ITGA5: variants seen among roughly 807,000 people sequenced by gnomAD.
ITGA5 encodes the protein integrin subunit alpha 5.
In ITGA5, 55 loss-of-function variants were observed where a neutral mutation model predicts 146.3. The observed-to-expected ratio is 0.38, with a 90% confidence interval of 0.30 to 0.47. The LOEUF (loss-of-function observed/expected upper bound fraction) is 0.47, where lower values mean the gene tolerates loss of function less well. Among genes scored for constraint, ITGA5 ranks in the 20% least tolerant of loss-of-function variants. The pLI, the probability that ITGA5 is intolerant of heterozygous loss-of-function variation, is 0.99. For missense variants in ITGA5, 1,131 were observed against 1,329.0 expected (o/e 0.85, Z 2.32); for synonymous variants, 500 against 531.8 (o/e 0.94, Z 0.82).
At position 54,414,803 on chromosome 12, in the gene ITGA5, C is replaced by T. The variant is rs368145412; in HGVS notation, c.219-2839G>A. On this transcript the variant is annotated intron_variant, in intron 1 of 29. Transcript: ENST00000293379. ...CGGAGCTTGCAGGGAGCCGAGATCACGCCACTACACTCCAGTCCAGAGACA... is the reference window on the plus strand; with the variant it reads ...CGGAGCTTGCAGGGAGCCGAGATCATGCCACTACACTCCAGTCCAGAGACA... Among the ~76,000 whole-genome samples, 256 of 150,324 alleles carry T rather than the reference C, an allele frequency of 1.7e-3. 10 individuals carry two copies. The highest frequency in any genetic ancestry group is 5.9e-3 in the African/African-American group (237 of 40,430).
At chr12:54,410,314 G>T (rs1333364768) in intron 2 of ITGA5, among the ~76,000 whole-genome samples, 1 of 150,242 alleles carries the variant, frequency 6.7e-6, no homozygotes, top group Admixed American at 6.7e-5. Flanking sequence ...TCTATACTTG[G>T]ACTGTGTCTC....
Position 54,401,447 on chromosome 12 carries a change from C to T in ITGA5, c.2419G>A (p.Val807Ile). ...VSKPEAVLFP[V>I]SDWHPRDQPQ... Reference sequence around the variant, plus strand: ...TGGTCTCGGGGATGCCAGTCGCTTACTGGGAATAGCACTGCCTCAGGCTTG... The same window carrying T: ...TGGTCTCGGGGATGCCAGTCGCTTATTGGGAATAGCACTGCCTCAGGCTTG... The change falls in exon 24 of 30, where the codon GTA becomes ATA. Residue 807 changes from valine (V) to isoleucine (I), a missense_variant. Val to Ile is a conservative substitution (Grantham distance 29). Transcript: ENST00000293379. The surrounding 1 kb of genome is among the most constrained non-coding windows in gnomAD (Gnocchi z 5.0). The T allele has an allele frequency of 6.2e-7, 1 of 1,614,120 alleles. No individual in the cohort carries two copies. The highest frequency in any genetic ancestry group is 1.1e-5 in the South Asian group (1 of 91,066).
rs755930097 is a variant in ITGA5, at chr12:54,404,453, A to G, written c.1440T>C (p.Gly480=). 4.3e-6 allele frequency: 7 copies of G among 1,614,128 alleles called. No homozygotes were observed. Among genetic ancestry groups the G allele is most frequent in the Non-Finnish European group, 5.1e-6 (6 of 1,180,004 alleles). ...GYPDLIVGSF[G]VDKAVVYRGR... is the part of the protein sequence containing the mutation. Reference sequence around the variant, plus strand: ...ACCTGTATACCACAGCCTTGTCCACACCAAAGGACCCCACAATCAGATCTG... The same window carrying G: ...ACCTGTATACCACAGCCTTGTCCACGCCAAAGGACCCCACAATCAGATCTG... Residue 480 remains glycine (G), a synonymous_variant, in exon 14 of 30, where the codon GGT becomes GGC. Coordinates refer to ENST00000293379, the MANE Select transcript of ITGA5 (RefSeq NM_002205.5).
Position 54,402,965 on chromosome 12 carries a change from A to T in ITGA5, c.1982+18T>A. 1 of 1,611,438 alleles carries T rather than the reference A, an allele frequency of 6.2e-7. No homozygotes were observed. The highest frequency in any genetic ancestry group is 1.1e-5 in the South Asian group (1 of 91,022). On this transcript the variant is annotated intron_variant, in intron 19 of 29. Transcript: ENST00000293379. ...AGGTGCACCTGGAGCTCCCTAGCTT[A>T]CCGTCAGCCCTACTTACCCAAACAC...
chr12:54,400,893 C>T lies in ITGA5; in HGVS notation c.2596G>A (p.Gly866Arg). ...QQLLYVTRVT[G>R]LNCTTNHPIN... is the part of the protein sequence containing the mutation. ...GGGTGATTGGTGGTGCAGTTGAGTC[C>T]CGTAACTCTGGTCACATATAGGAGC... The change falls in exon 25 of 30, where the codon GGA (glycine) becomes AGA (arginine). Residue 866 changes from glycine to arginine, a missense_variant. By Grantham distance (125) the Gly-to-Arg change is moderately radical. Transcript: ENST00000293379. The T allele has an allele frequency of 6.2e-7, 1 of 1,614,094 alleles. No homozygotes were observed. Among genetic ancestry groups the T allele is most frequent in the Non-Finnish European group, 8.5e-7 (1 of 1,180,006 alleles).
At chr12:54,406,045 CCT>C in intron 9 of ITGA5, 119 bp from the exon 10 acceptor site, 1 of 842,000 alleles carries the variant, frequency 1.2e-6, no homozygotes, top group African/African-American at 1.7e-5. Context: ...GACCACTGTC[CCT>C]AGCTCCCTCT....
At chr12:54,397,902 ATT>A (rs774468803) in intron 28 of ITGA5, among the ~76,000 whole-genome samples, 12 of 139,156 alleles carry the variant, frequency 8.6e-5, no homozygotes, top group Admixed American at 2.1e-4. Context: ...TATCATATCC[ATT>A]TTTTTTTTTT....
chr12:54,418,896 C>A, intron 1 of ITGA5, 85 bp downstream of exon 1: 1 of 1,475,726 alleles, frequency 6.8e-7, no homozygotes. Context: ...AAACTTAAGC[C>A]CTGGTCCCCT....
chr12:54,405,977 A>G (rs1955861922), intron 9 of ITGA5, 51 bp from the exon 10 acceptor site: 1 of 1,523,732 alleles, frequency 6.6e-7, no homozygotes, highest in Non-Finnish European at 9.1e-7. Flanking sequence ...AGAATATCCC[A>G]TGGTTAAAGA....
At chr12:54,405,800 CATT>C in intron 10 of ITGA5, 67 bp downstream of exon 10, 6 of 1,601,826 alleles carry the variant, frequency 3.7e-6, no homozygotes, top group Non-Finnish European at 5.1e-6. Flanking sequence ...GTTGGGCTGA[CATT>C]ATTAGGTCAG....
intron 13 of ITGA5, 88 bp from the exon 14 acceptor site, chr12:54,404,563 A>G (rs1955835469): frequency 3.9e-6 from 6 of 1,530,972 alleles, no homozygotes; most frequent in Non-Finnish European, 5.4e-6. Flanking sequence ...ACGCTCAGGG[A>G]GGTTGAAGTG....
intron 9 of ITGA5, among the ~76,000 whole-genome samples, chr12:54,406,765 A>T (rs979329919): frequency 1.3e-5 from 2 of 152,192 alleles, no homozygotes; most frequent in African/African-American, 4.8e-5. Flanking sequence ...GAACCTTCAT[A>T]GAACCTTCTC....
intron 2 of ITGA5, among the ~76,000 whole-genome samples, chr12:54,411,497 T>C (rs1187294640): frequency 6.6e-6 from 1 of 152,180 alleles, no homozygotes; most frequent in Non-Finnish European, 1.5e-5. Context: ...CACTGTCACT[T>C]AGTCAGTACT....
intron 19 of ITGA5, 88 bp downstream of exon 19, chr12:54,402,895 A>G: frequency 9.4e-7 from 1 of 1,060,640 alleles, no homozygotes; most frequent in Non-Finnish European, 1.5e-6. Context: ...GCAACTTCCC[A>G]AGGCGACACA....
At chr12:54,404,623 T>A in intron 13 of ITGA5, 80 bp downstream of exon 13, 1 of 1,496,550 alleles carries the variant, frequency 6.7e-7, no homozygotes, top group South Asian at 1.1e-5. Flanking sequence ...CCCAGGAACT[T>A]AAGGAAAGGT....
chr12:54,413,080 T>G (rs1955967222), intron 1 of ITGA5: 1 of 152,314 alleles, frequency 6.6e-6, no homozygotes. Context: ...CCATCTCTAT[T>G]GGTTTCTGTT....
At chr12:54,415,520 C>T (rs918138615) in intron 1 of ITGA5, among the ~76,000 whole-genome samples, 4 of 152,166 alleles carry the variant, frequency 2.6e-5, no homozygotes, top group African/African-American at 9.7e-5. Flanking sequence ...GGGCTTAGGT[C>T]ACTCATAATC....
Position 54,399,961 on chromosome 12 carries a change from TG to T in ITGA5, c.2644-15del. 6.2e-7 allele frequency: 1 copy of T among 1,603,250 alleles called. No individual in the cohort carries two copies. The highest frequency in any genetic ancestry group is 1.1e-5 in the South Asian group (1 of 90,862). On this transcript the variant is annotated splice_polypyrimidine_tract_variant and intron_variant, in intron 25 of 29. Coordinates refer to ENST00000293379, the MANE Select transcript of ITGA5 (RefSeq NM_002205.5). ...CTCGGGATCCAACTATAAAAGAAAG[TG>T]TTGGGCCCCTTTCCCATCTCATTAC...
chr12:54,401,973 G>C lies in ITGA5; in HGVS notation c.2226+28C>G, dbSNP rs1226488142. ...CCGCCCTCAGGTCTGCTCTCCCTCT[G>C]TCCCATCCTCTTTCATCCCAAACTT... On this transcript the variant is annotated intron_variant, in intron 21 of 29. Coordinates refer to ENST00000293379, the MANE Select transcript of ITGA5 (RefSeq NM_002205.5). This position sits in a 1 kb window ranked among gnomAD's most constrained non-coding sequence, Gnocchi z 5.0. The C allele has an allele frequency of 1.2e-6, 2 of 1,610,614 alleles. No homozygotes were observed. Among genetic ancestry groups the C allele is most frequent in the African/African-American group, 2.7e-5 (2 of 74,830 alleles).
Sources: allele counts gnomAD v4.1 joint callset (sites outside exome capture counted in the v4.1 genomes callset), GRCh38; gene constraint gnomAD v4.1.1; non-coding constraint Gnocchi (gnomAD v3.1); transcripts MANE v1.5; gene names NCBI Gene and HGNC (gene_info 2026-07-23, HGNC 2026-07-21).